Variants in CAMK4 observed in about 807,000 individuals in gnomAD.
CAMK4 encodes calcium/calmodulin-dependent protein kinase type IV.
CAMK4 carries 22 observed loss-of-function variants against 44.9 expected under a neutral mutation model. That is an observed-to-expected ratio of 0.49 (90% CI 0.35 to 0.70). The LOEUF (loss-of-function observed/expected upper bound fraction) is 0.70, where lower values mean the gene tolerates loss of function less well. Ranked by LOEUF, CAMK4 falls within the 30% of genes least tolerant of loss-of-function variation. The pLI is 0.01. For missense variants in CAMK4, 498 were observed against 586.8 expected, an observed-to-expected ratio of 0.85 and a Z score of 1.56; for synonymous variants, 218 against 215.4, an observed-to-expected ratio of 1.01 and a Z score of -0.11.
intron 2 of CAMK4, among the ~76,000 whole-genome samples, chr5:111,356,489 C>G (rs1336503776): frequency 6.6e-6 from 1 of 152,230 alleles, no homozygotes; most frequent in East Asian, 1.9e-4. Context: ...TTTTGCTGTG[C>G]AGAAGCTCTT....
chr5:111,377,041 A>G (rs1427932202), intron 4 of CAMK4, 99 bp downstream of exon 4: 4 of 719,056 alleles, frequency 5.6e-6, no homozygotes, highest in Non-Finnish European at 9.5e-6. Context: ...ATAATGACAG[A>G]TTATACTTGT....
rs141911655 is a variant in CAMK4, at chr5:111,429,470, TGAAATC to T, written c.460-17212_460-17207del. On this transcript the variant is annotated intron_variant, in intron 5 of 10. Transcript: ENST00000282356. ...ACCTGAACAGACCAATAAAAAGTAA[TGAAATC>T]GAAGCCATGGCCAGGTGGAGTGGCT... 6.4e-3 allele frequency among the ~76,000 whole-genome samples: 977 copies of T among 152,008 alleles called. 8 individuals carry two copies. The highest frequency in any genetic ancestry group is 0.022 in the African/African-American group (908 of 41,490).
chr5:111,462,511 G>T (rs1186849101), intron 7 of CAMK4, among the ~76,000 whole-genome samples: 1 of 152,174 alleles, frequency 6.6e-6, no homozygotes, highest in Admixed American at 6.5e-5. Flanking sequence ...GTGAGTGAAT[G>T]AACCTGTTGA....
intron 2 of CAMK4, among the ~76,000 whole-genome samples, chr5:111,352,264 T>G (rs893647868): frequency 2.0e-5 from 3 of 152,126 alleles, no homozygotes; most frequent in Non-Finnish European, 4.4e-5. Flanking sequence ...AAATAGCTAT[T>G]ATTTATTGAA....
At chr5:111,225,403 A>T (rs1209070641) in intron 1 of CAMK4, among the ~76,000 whole-genome samples, 1 of 152,126 alleles carries the variant, frequency 6.6e-6, no homozygotes, top group African/African-American at 2.4e-5. Context: ...CTTCTGCATG[A>T]TTCCATATGC....
intron 1 of CAMK4, among the ~76,000 whole-genome samples, chr5:111,309,361 G>T (rs1748100811): frequency 6.6e-6 from 1 of 152,192 alleles, no homozygotes; most frequent in Non-Finnish European, 1.5e-5. Flanking sequence ...GATCAAAGAT[G>T]TGCATTTGTG....
chr5:111,469,884 T>C (rs534470583), intron 7 of CAMK4, among the ~76,000 whole-genome samples: 1 of 152,362 alleles, frequency 6.6e-6, no homozygotes, highest in East Asian at 1.9e-4. Flanking sequence ...TGGATTCATT[T>C]ACAGTTTAGA....
intron 2 of CAMK4, among the ~76,000 whole-genome samples, chr5:111,345,061 G>A (rs968742968): frequency 2.0e-5 from 3 of 148,024 alleles, no homozygotes; most frequent in African/African-American, 7.8e-5. Context: ...TTTAGGCCAA[G>A]GAATTTTTTT....
chr5:111,451,549 A>G (rs1754238000), intron 7 of CAMK4, among the ~76,000 whole-genome samples: 1 of 152,074 alleles, frequency 6.6e-6, no homozygotes, highest in Non-Finnish European at 1.5e-5. Context: ...CGGCCTCCCA[A>G]AGTGCTGGGA....
At chr5:111,253,847 G>A (rs1280011206) in intron 1 of CAMK4, among the ~76,000 whole-genome samples, 2 of 152,056 alleles carry the variant, frequency 1.3e-5, no homozygotes. Flanking sequence ...AGATAAGACT[G>A]TCATTATCAG....
intron 5 of CAMK4, among the ~76,000 whole-genome samples, chr5:111,425,067 G>T (rs1024340659): frequency 2.0e-5 from 3 of 151,910 alleles, no homozygotes; most frequent in Admixed American, 2.0e-4. Flanking sequence ...GGAGACTGAG[G>T]TGGGAGGATG....
chr5:111,385,306 A>T (rs1751559034), intron 4 of CAMK4, among the ~76,000 whole-genome samples: 1 of 152,228 alleles, frequency 6.6e-6, no homozygotes, highest in Non-Finnish European at 1.5e-5. Flanking sequence ...GGGGTTTTGT[A>T]AGTCAGAAAT....
chr5:111,261,861 A>T (rs1749992625), intron 1 of CAMK4, among the ~76,000 whole-genome samples: 1 of 152,006 alleles, frequency 6.6e-6, no homozygotes, highest in Admixed American at 6.6e-5. Context: ...GGGGACTATG[A>T]TCTTCTTAAA....
chr5:111,354,534 T>G (rs1160161641), intron 2 of CAMK4, among the ~76,000 whole-genome samples: 2 of 151,888 alleles, frequency 1.3e-5, no homozygotes, highest in Non-Finnish European at 2.9e-5. Context: ...GAACGTCACA[T>G]TGTACACTAA....
At chr5:111,274,467 A>G (rs1487460602) in intron 1 of CAMK4, among the ~76,000 whole-genome samples, 3 of 152,216 alleles carry the variant, frequency 2.0e-5, no homozygotes, top group African/African-American at 7.2e-5. Context: ...AGTGACAAGT[A>G]TGAAACTTTA....
At position 111,436,269 on chromosome 5, in the gene CAMK4, G is replaced by A. The variant is rs143156802; in HGVS notation, c.460-10417G>A. Among the ~76,000 whole-genome samples the A allele has an allele frequency of 3.9e-3, 595 of 152,290 alleles. 9 individuals are homozygous for A. Among genetic ancestry groups the A allele is most frequent in the African/African-American group, 0.014 (563 of 41,562 alleles). On this transcript the variant is annotated intron_variant, in intron 5 of 10. Transcript: ENST00000282356. Reference sequence around the variant, plus strand: ...TAATATAGTTCTATGGCATGCATATGTATAAATAGACAGGAAAATAAATTT... The same window carrying A: ...TAATATAGTTCTATGGCATGCATATATATAAATAGACAGGAAAATAAATTT...
intron 6 of CAMK4, 86 bp downstream of exon 6, chr5:111,446,862 C>T: frequency 2.5e-6 from 2 of 796,366 alleles, no homozygotes; most frequent in South Asian, 2.7e-5. Flanking sequence ...ATTGCTCCAT[C>T]CAGTTTTACA....
At chr5:111,356,813 T>C (rs1407198137) in intron 2 of CAMK4, among the ~76,000 whole-genome samples, 2 of 152,218 alleles carry the variant, frequency 1.3e-5, no homozygotes, top group South Asian at 2.1e-4. Context: ...CAGATAGTTG[T>C]AGATATGCGG....
chr5:111,338,418 A>C (rs906549114), intron 1 of CAMK4, among the ~76,000 whole-genome samples: 4 of 151,050 alleles, frequency 2.6e-5, no homozygotes, highest in Non-Finnish European at 5.9e-5. Flanking sequence ...GTTGTCTGTT[A>C]ACTCTGTTGA....
Sources: gnomAD v4.1 joint callset for allele counts (sites outside exome capture counted in the v4.1 genomes callset) on GRCh38, gnomAD v4.1.1 for gene constraint, MANE v1.5 for transcripts, NCBI Gene and HGNC (gene_info 2026-07-23, HGNC 2026-07-21) for gene names.